The following DAB1 variants were observed in gnomAD, a reference collection of about 807,000 sequenced individuals.
DAB1 encodes DAB adaptor protein 1.
Under a neutral mutation model 64.6 loss-of-function variants are expected in DAB1, and 15 were observed. That is an observed-to-expected ratio of 0.23 (90% CI 0.16 to 0.36). The LOEUF is 0.36. Among genes scored for constraint, DAB1 ranks in the 10% least tolerant of loss-of-function variants. The pLI is 1.00. For synonymous variants in DAB1, 235 were observed against 251.9 expected, an observed-to-expected ratio of 0.93 and a Z score of 0.64; for missense variants, 596 against 706.7, an observed-to-expected ratio of 0.84 and a Z score of 1.78.
intron 5 of DAB1, among the ~76,000 whole-genome samples, chr1:58,101,613 A>G (rs1488973091): frequency 6.6e-6 from 1 of 152,244 alleles, no homozygotes; most frequent in Non-Finnish European, 1.5e-5. Context: ...ATTAAGCATT[A>G]ACAAATATTT....
chr1:58,234,820 G>A (rs1419020060), intron 4 of DAB1, among the ~76,000 whole-genome samples: 1 of 152,210 alleles, frequency 6.6e-6, no homozygotes, highest in Non-Finnish European at 1.5e-5. Flanking sequence ...GCCGGAGGAA[G>A]TGACACCCAG....
At chr1:57,752,999 T>C (rs1260955356) in intron 6 of DAB1, among the ~76,000 whole-genome samples, 16 of 152,164 alleles carry the variant, frequency 1.1e-4, no homozygotes, top group Admixed American at 1.0e-3. Flanking sequence ...AAAAGGGTAA[T>C]TCATGAAGTT....
At chr1:58,314,659 G>A (rs1662512867) in intron 4 of DAB1, among the ~76,000 whole-genome samples, 1 of 152,174 alleles carries the variant, frequency 6.6e-6, no homozygotes, top group Admixed American at 6.5e-5. Flanking sequence ...GTAAAGTGAA[G>A]TGATTTGCCA....
intron 4 of DAB1, among the ~76,000 whole-genome samples, chr1:58,328,008 G>C (rs1026221249): frequency 2.5e-4 from 38 of 152,144 alleles, no homozygotes; most frequent in Admixed American, 3.3e-4. Flanking sequence ...CCCTGGCTGA[G>C]TGAGGCAGAG....
At chr1:57,645,143 C>A (rs939863096) in intron 7 of DAB1, among the ~76,000 whole-genome samples, 3 of 152,172 alleles carry the variant, frequency 2.0e-5, no homozygotes, top group Admixed American at 1.3e-4. Flanking sequence ...TCCCTTCTAT[C>A]CTCCTATACC....
At chr1:57,077,361 G>C (rs1652084736) in intron 4 of DAB1, among the ~76,000 whole-genome samples, 1 of 152,158 alleles carries the variant, frequency 6.6e-6, no homozygotes, top group Non-Finnish European at 1.5e-5. Flanking sequence ...CTTCTGAACA[G>C]TAAGTGTTAC....
chr1:58,057,843 G>C (rs1220592572), intron 5 of DAB1, among the ~76,000 whole-genome samples: 1 of 151,996 alleles, frequency 6.6e-6, no homozygotes, highest in Non-Finnish European at 1.5e-5. Context: ...CTCACCTCCA[G>C]GTCCTTGCAT....
chr1:58,465,124 G>A (rs1021734569), intron 3 of DAB1, among the ~76,000 whole-genome samples: 6 of 152,154 alleles, frequency 3.9e-5, no homozygotes, highest in Non-Finnish European at 8.8e-5. Context: ...AATAAGAAAA[G>A]TACTCTCCTC....
At chr1:58,255,858 A>G (rs1440374852) in intron 4 of DAB1, among the ~76,000 whole-genome samples, 1 of 152,220 alleles carries the variant, frequency 6.6e-6, no homozygotes, top group East Asian at 1.9e-4. Context: ...AATTTTCACA[A>G]TAAGCCTGTG....
chr1:57,532,561 G>A (rs1022561757), intron 7 of DAB1, among the ~76,000 whole-genome samples: 1 of 152,142 alleles, frequency 6.6e-6, no homozygotes, highest in African/African-American at 2.4e-5. Flanking sequence ...GATAATTTTT[G>A]AATGAATGAG....
At chr1:57,066,945 G>T (rs1429126767) in intron 8 of DAB1, among the ~76,000 whole-genome samples, 1 of 152,100 alleles carries the variant, frequency 6.6e-6, no homozygotes, top group African/African-American at 2.4e-5. Flanking sequence ...ACCACTGGCT[G>T]GGCCAAGCTG....
rs112803294 is a variant in DAB1, at chr1:57,580,044, T to C, written n.625+69548A>G. On this transcript the variant is annotated intron_variant and non_coding_transcript_variant, in intron 7 of 20. Transcript: ENST00000485760. ...CAAGGCAGGGCACACAGGGTTAGGATTGGCTAGTTTGGGTAATTCCAACGT... is the reference window on the plus strand; with the variant it reads ...CAAGGCAGGGCACACAGGGTTAGGACTGGCTAGTTTGGGTAATTCCAACGT... 2.5e-3 allele frequency among the ~76,000 whole-genome samples: 384 copies of C among 152,162 alleles called. 1 individual carries two copies. The highest frequency in any genetic ancestry group is 8.4e-3 in the African/African-American group (348 of 41,504).
At chr1:57,276,108 T>C (rs1288169759) in intron 2 of DAB1, among the ~76,000 whole-genome samples, 3 of 152,180 alleles carry the variant, frequency 2.0e-5, no homozygotes, top group Admixed American at 6.5e-5. Flanking sequence ...AATACAGAAT[T>C]AAATACACAG....
chr1:58,107,650 CTT>C (rs1651741623), intron 5 of DAB1, among the ~76,000 whole-genome samples: 2 of 151,788 alleles, frequency 1.3e-5, no homozygotes, highest in South Asian at 4.2e-4. Flanking sequence ...GAGTTTTGCT[CTT>C]GTCACCCATG....
In DAB1 at chr1:57,755,523, T is replaced by C. The variant is rs917888647; in HGVS notation, n.552-105858A>G. On this transcript the variant is annotated intron_variant and non_coding_transcript_variant, in intron 6 of 20. Coordinates refer to the DAB1 transcript ENST00000485760. ...TCTGGTTTTTAAACTTTGCCACTTT[T>C]GTTACTCTTGTGTTAATTTCACAAA... Among the ~76,000 whole-genome samples the C allele has an allele frequency of 1.3e-5, 2 of 152,220 alleles. 1 individual carries two copies. Among genetic ancestry groups the C allele is most frequent in the East Asian group, 3.8e-4 (2 of 5,202 alleles).
intron 1 of DAB1, among the ~76,000 whole-genome samples, chr1:57,381,921 C>T (rs1248502116): frequency 6.6e-6 from 1 of 152,110 alleles, no homozygotes; most frequent in East Asian, 1.9e-4. Flanking sequence ...GATGAGCTTC[C>T]CAAGCTTGGC....
At chr1:57,077,483 C>G (rs185694878) in intron 4 of DAB1, among the ~76,000 whole-genome samples, 1 of 152,118 alleles carries the variant, frequency 6.6e-6, no homozygotes, top group Non-Finnish European at 1.5e-5. Flanking sequence ...AAGATAAGCC[C>G]TACATATGGT....
intron 7 of DAB1, among the ~76,000 whole-genome samples, chr1:57,505,891 A>G (rs1644337934): frequency 6.6e-6 from 1 of 152,084 alleles, no homozygotes; most frequent in South Asian, 2.1e-4. Flanking sequence ...GCTGGTATGG[A>G]ACTTCTGGGC....
chr1:57,614,154 G>A (rs1391134649), intron 7 of DAB1, among the ~76,000 whole-genome samples: 1 of 152,192 alleles, frequency 6.6e-6, no homozygotes, highest in East Asian at 1.9e-4. Flanking sequence ...GTGGAAATGA[G>A]GGCCCTGGTG....
Sources: allele counts gnomAD v4.1 joint callset (sites outside exome capture counted in the v4.1 genomes callset), GRCh38; gene constraint gnomAD v4.1.1; transcripts MANE v1.5; gene names NCBI Gene and HGNC (gene_info 2026-07-23, HGNC 2026-07-21).